Variants in MGMT observed in about 807,000 individuals in gnomAD.
The protein encoded by MGMT is O-6-methylguanine-DNA methyltransferase, also known as methylated-DNA--protein-cysteine methyltransferase.
MGMT carries 14 observed loss-of-function variants against 15.9 expected under a neutral mutation model. That is an observed-to-expected ratio of 0.88 (90% CI 0.58 to 1.37). The LOEUF (loss-of-function observed/expected upper bound fraction) is 1.37. MGMT is among the 40% of genes most tolerant of loss of function. The pLI is 0.00. For missense variants in MGMT, 282 were observed against 268.1 expected (o/e 1.05, Z -0.36); for synonymous variants, 130 against 118.2 (o/e 1.10, Z -0.65).
At chr10:129,668,349 G>C (rs558091294) in intron 2 of MGMT, among the ~76,000 whole-genome samples, 28 of 152,098 alleles carry the variant, frequency 1.8e-4, no homozygotes, top group African/African-American at 6.3e-4. Flanking sequence ...GCCAGAGTGG[G>C]CCAGGCTGTA....
At chr10:129,496,195 A>G (rs1304672958) in intron 1 of MGMT, among the ~76,000 whole-genome samples, 1 of 152,220 alleles carries the variant, frequency 6.6e-6, no homozygotes, top group Non-Finnish European at 1.5e-5. Context: ...TAAATATTTC[A>G]GGAAACTTGA....
At chr10:129,549,791 C>T (rs1425962537) in intron 2 of MGMT, among the ~76,000 whole-genome samples, 7 of 152,122 alleles carry the variant, frequency 4.6e-5, no homozygotes, top group Admixed American at 2.6e-4. Context: ...TTTTAAAGGG[C>T]GTCTGCTGCA....
At chr10:129,502,168 G>A (rs1309975861) in intron 1 of MGMT, among the ~76,000 whole-genome samples, 1 of 152,174 alleles carries the variant, frequency 6.6e-6, no homozygotes, top group East Asian at 1.9e-4. Flanking sequence ...CCTGGAGCTT[G>A]GGGAGAGTCC....
chr10:129,734,766 AT>A (rs1382365614), intron 3 of MGMT, among the ~76,000 whole-genome samples: 2 of 152,176 alleles, frequency 1.3e-5, no homozygotes, highest in Non-Finnish European at 2.9e-5. Context: ...AGTTTTTAGC[AT>A]GAAGGGTTGT....
At chr10:129,737,969 G>A (rs1848584201) in intron 3 of MGMT, among the ~76,000 whole-genome samples, 1 of 152,244 alleles carries the variant, frequency 6.6e-6, no homozygotes. Context: ...CTGTCAGACA[G>A]GGACATTTAA....
At chr10:129,740,087 C>G (rs141628378) in intron 3 of MGMT, among the ~76,000 whole-genome samples, 2 of 152,326 alleles carry the variant, frequency 1.3e-5, no homozygotes, top group South Asian at 2.1e-4. Flanking sequence ...TGTATTTTCT[C>G]GTTAGCAGAG....
intron 2 of MGMT, among the ~76,000 whole-genome samples, chr10:129,558,056 C>G (rs903815791): frequency 2.6e-5 from 4 of 152,280 alleles, no homozygotes; most frequent in Non-Finnish European, 4.4e-5. Context: ...CCTTGGCCCC[C>G]GTAACACCAC....
chr10:129,504,186 A>G (rs1366639283), intron 1 of MGMT, among the ~76,000 whole-genome samples: 2 of 152,270 alleles, frequency 1.3e-5, no homozygotes, highest in Non-Finnish European at 2.9e-5. Flanking sequence ...TAGCAGACAT[A>G]ACGTGGCAAT....
At chr10:129,585,355 A>G (rs1165209754) in intron 2 of MGMT, among the ~76,000 whole-genome samples, 4 of 152,224 alleles carry the variant, frequency 2.6e-5, no homozygotes, top group Non-Finnish European at 5.9e-5. Context: ...TGTAAATGAC[A>G]TACAGAGTAT....
intron 1 of MGMT, among the ~76,000 whole-genome samples, chr10:129,487,488 A>G (rs1255214865): frequency 4.6e-5 from 7 of 152,054 alleles, no homozygotes; most frequent in Admixed American, 2.0e-4. Context: ...GATGCCTCCT[A>G]TAGACTTTTG....
chr10:129,742,729 A>G (rs1848649455), intron 3 of MGMT, among the ~76,000 whole-genome samples: 1 of 147,076 alleles, frequency 6.8e-6, no homozygotes. Flanking sequence ...GTGCCCCACT[A>G]CCATAGCAGC....
chr10:129,507,240 A>G (rs1365262828), intron 1 of MGMT, among the ~76,000 whole-genome samples: 1 of 152,208 alleles, frequency 6.6e-6, no homozygotes, highest in Non-Finnish European at 1.5e-5. Context: ...GTGGTGCTGC[A>G]GTCTCTGCAT....
intron 2 of MGMT, among the ~76,000 whole-genome samples, chr10:129,598,565 A>G (rs1439169072): frequency 6.6e-6 from 1 of 152,190 alleles, no homozygotes; most frequent in African/African-American, 2.4e-5. Context: ...AATTGGGAGA[A>G]CCCAAAACCA....
At chr10:129,500,170 A>G (rs1317876386) in intron 1 of MGMT, among the ~76,000 whole-genome samples, 1 of 152,218 alleles carries the variant, frequency 6.6e-6, no homozygotes, top group African/African-American at 2.4e-5. Context: ...TAAAACTTCA[A>G]CAATGTAGAG....
chr10:129,677,581 G>A (rs7095819), intron 2 of MGMT, among the ~76,000 whole-genome samples: 66,278 of 152,106 alleles, frequency 0.44, 17,093 homozygotes, highest in African/African-American at 0.72. Context: ...CACCCAGTCT[G>A]TTTGTAAGCA....
At chr10:129,757,795 T>C (rs1848824072) in intron 3 of MGMT, among the ~76,000 whole-genome samples, 1 of 152,246 alleles carries the variant, frequency 6.6e-6, no homozygotes, top group African/African-American at 2.4e-5. Flanking sequence ...CATGTGCTAA[T>C]GAACCCAAAG....
chr10:129,639,078 C>T (rs1308158152), intron 2 of MGMT, among the ~76,000 whole-genome samples: 5 of 151,892 alleles, frequency 3.3e-5, no homozygotes, highest in Admixed American at 6.6e-5. Flanking sequence ...TGGAAGTATA[C>T]ATTTTAAGTT....
At chr10:129,672,997 G>A (rs945765351) in intron 2 of MGMT, among the ~76,000 whole-genome samples, 5 of 152,162 alleles carry the variant, frequency 3.3e-5, no homozygotes, top group Non-Finnish European at 5.9e-5. Context: ...GGATTAATAC[G>A]ATCAGAGCAG....
chr10:129,724,184 G>C (rs893175419), intron 3 of MGMT, among the ~76,000 whole-genome samples: 1 of 152,192 alleles, frequency 6.6e-6, no homozygotes, highest in Non-Finnish European at 1.5e-5. Flanking sequence ...TGTAGAGCCT[G>C]TTCCTATCTG....
Sources: gnomAD v4.1 joint callset for allele counts (sites outside exome capture counted in the v4.1 genomes callset) on GRCh38, gnomAD v4.1.1 for gene constraint, MANE v1.5 for transcripts, NCBI Gene and HGNC (gene_info 2026-07-23, HGNC 2026-07-21) for gene names.